Variants in NMD3 observed in about 807,000 individuals in gnomAD.
NMD3 encodes the protein 60S ribosomal export protein NMD3.
NMD3 carries 47 observed loss-of-function variants against 73.1 expected under a neutral mutation model. The ratio of observed to expected loss-of-function variants is 0.64; its 90% CI spans 0.51 to 0.82. The LOEUF (loss-of-function observed/expected upper bound fraction) is 0.82. NMD3 is among the 40% of genes least tolerant of loss of function. The pLI, the probability that NMD3 is intolerant of heterozygous loss-of-function variation, is 0.00. For synonymous variants in NMD3, 210 were observed against 194.5 expected, an observed-to-expected ratio of 1.08 and a Z score of -0.66; for missense variants, 554 against 612.5, an observed-to-expected ratio of 0.90 and a Z score of 1.01.
chr3:161,251,086 G>T lies in NMD3; in HGVS notation c.*176G>T. On this transcript the variant is annotated 3_prime_UTR_variant, in exon 16 of 16. Transcript: ENST00000351193. ...CACTAAAACAGATGGATAGCTTTGA[G>T]GTTTTAGATAAGGAAAGATTATGGA... is the stretch of plus-strand genomic sequence containing the variant. 6.2e-6 allele frequency: 3 copies of T among 480,450 alleles called. No individual in the cohort carries two copies. The highest frequency in any genetic ancestry group is 1.1e-5 in the Non-Finnish European group (3 of 269,174). 29.8% of individuals were successfully genotyped at this position (480,450 alleles called of 1,614,324 possible). A position where few individuals can be genotyped will look rare whatever the true frequency, so the allele number is the denominator to read the frequency against.
Position 161,251,474 on chromosome 3 carries a change from A to C in NMD3, c.*564A>C, listed in dbSNP as rs982800204. 6 of 152,162 alleles carry C rather than the reference A, an allele frequency of 3.9e-5. No individual in the cohort carries two copies. Among genetic ancestry groups the C allele is most frequent in the African/African-American group, 1.4e-4 (6 of 41,434 alleles). The allele number at this position is 152,162 out of a possible 1,614,324, so 9.4% of individuals were successfully genotyped here. On this transcript the variant is annotated 3_prime_UTR_variant, in exon 16 of 16. Transcript: ENST00000351193. ...TATTTCCTTATAAAATTAACTCTTC[A>C]AAAGCCGTTAAACAGAGAGTTATCT...
At chr3:161,232,298 A>C (rs1215431357) in intron 4 of NMD3, among the ~76,000 whole-genome samples, 1 of 152,044 alleles carries the variant, frequency 6.6e-6, no homozygotes, top group Admixed American at 6.6e-5. Context: ...GAATCTTTGC[A>C]TCTACACTAA....
At chr3:161,228,917 G>A (rs1333403901) in intron 4 of NMD3, among the ~76,000 whole-genome samples, 1 of 152,114 alleles carries the variant, frequency 6.6e-6, no homozygotes, top group Non-Finnish European at 1.5e-5. Context: ...GCATGGAAGA[G>A]TTGAAATTTA....
At chr3:161,235,377 A>G (rs1400470410) in intron 7 of NMD3, 165 bp downstream of exon 7, 1 of 380,940 alleles carries the variant, frequency 2.6e-6, no homozygotes, top group East Asian at 4.0e-5. Context: ...ACTGTCCAGT[A>G]TGGTATAGTC....
intron 11 of NMD3, among the ~76,000 whole-genome samples, chr3:161,243,888 A>G (rs1321127198): frequency 3.3e-5 from 5 of 152,158 alleles, no homozygotes; most frequent in Admixed American, 3.3e-4. Flanking sequence ...TCTGACCAGC[A>G]AGCAATCTGT....
chr3:161,238,639 G>A, intron 8 of NMD3, 91 bp from the exon 9 acceptor site: 2 of 705,522 alleles, frequency 2.8e-6, no homozygotes, highest in Non-Finnish European at 5.0e-6. Context: ...CTTGGACAAT[G>A]ATGGTTTGAT....
intron 11 of NMD3, among the ~76,000 whole-genome samples, chr3:161,245,025 G>C (rs1035124303): frequency 2.0e-5 from 3 of 151,952 alleles, no homozygotes; most frequent in African/African-American, 7.3e-5. Context: ...CAGCATTCAG[G>C]TGTTCCAGAA....
intron 7 of NMD3, among the ~76,000 whole-genome samples, chr3:161,237,603 G>C (rs1337028792): frequency 7.0e-6 from 1 of 143,400 alleles, no homozygotes; most frequent in African/African-American, 2.6e-5. Context: ...GCAGTGTTGC[G>C]ATCTGGGCTC....
At chr3:161,243,228 T>C (rs1179385434) in intron 11 of NMD3, among the ~76,000 whole-genome samples, 1 of 152,162 alleles carries the variant, frequency 6.6e-6, no homozygotes, top group African/African-American at 2.4e-5. Context: ...AATTTATAAA[T>C]TAGGCACAGT....
chr3:161,245,747 T>C (rs540541926), intron 11 of NMD3, among the ~76,000 whole-genome samples: 6 of 152,022 alleles, frequency 3.9e-5, no homozygotes, highest in Non-Finnish European at 8.8e-5. Flanking sequence ...ATGTTGTTTC[T>C]GCTATATATA....
intron 13 of NMD3, among the ~76,000 whole-genome samples, chr3:161,248,288 G>A (rs1219319358): frequency 6.6e-6 from 1 of 151,608 alleles, no homozygotes; most frequent in Non-Finnish European, 1.5e-5. Context: ...TTAGGAGTTC[G>A]AGACCAGCCT....
chr3:161,249,230 A>G (rs529851918), intron 13 of NMD3, among the ~76,000 whole-genome samples: 37 of 152,120 alleles, frequency 2.4e-4, no homozygotes, highest in South Asian at 4.1e-4. Flanking sequence ...AATTTTAGCA[A>G]ATTTTAACAA....
Position 161,233,449 on chromosome 3 carries a change from A to G in NMD3, c.327A>G (p.Arg109=), listed in dbSNP as rs1320416919. Residue 109 remains arginine, a synonymous_variant, in exon 5 of 16, where the codon AGA becomes AGG. Transcript: ENST00000351193. ...TTTGGACTGAGCCTCATTCTAAGAG[A>G]CTTAAAGTTAAACTGACTATTCAGA... The part of the protein sequence containing the change: ...GFVWTEPHSK[R]LKVKLTIQKE... The G allele has an allele frequency of 6.2e-7, 1 of 1,608,560 alleles. No individual in the cohort carries two copies. Among genetic ancestry groups the G allele is most frequent in the Non-Finnish European group, 8.5e-7 (1 of 1,176,778 alleles).
chr3:161,241,644 CT>C (rs2108093915), intron 10 of NMD3, among the ~76,000 whole-genome samples: 1 of 152,254 alleles, frequency 6.6e-6, no homozygotes, highest in Admixed American at 6.5e-5. Flanking sequence ...TGGTCTTGAA[CT>C]CCTGACCTCG....
Position 161,234,743 on chromosome 3 carries a change from T to C in NMD3, c.374T>C (p.Ile125Thr). The C allele has an allele frequency of 1.2e-6, 2 of 1,612,518 alleles. No individual in the cohort carries two copies. Among genetic ancestry groups the C allele is most frequent in the South Asian group, 2.2e-5 (2 of 90,998 alleles). The part of the protein sequence containing the change: ...TIQKEVMNGA[I>T]LQQVFVVDYV... Reference sequence around the variant, plus strand: ...TTTTATCAGGTGATGAATGGTGCTATCCTTCAACAAGTGTTTGTGGTGGAT... The same window carrying C: ...TTTTATCAGGTGATGAATGGTGCTACCCTTCAACAAGTGTTTGTGGTGGAT... Residue 125 changes from isoleucine (I) to threonine (T), a missense_variant, in exon 6 of 16, where the codon ATC becomes ACC. Transcript: ENST00000351193.
chr3:161,243,776 G>A (rs1480882164), intron 11 of NMD3, among the ~76,000 whole-genome samples: 1 of 152,180 alleles, frequency 6.6e-6, no homozygotes, highest in African/African-American at 2.4e-5. Flanking sequence ...ATGATGCCAT[G>A]TACTTTTTAT....
intron 11 of NMD3, among the ~76,000 whole-genome samples, chr3:161,242,858 T>G: frequency 6.6e-6 from 1 of 152,198 alleles, no homozygotes; most frequent in East Asian, 1.9e-4. Context: ...TAAGTTAATT[T>G]ATTCTCTTTT....
chr3:161,238,236 A>G (rs778964509), intron 8 of NMD3, 45 bp downstream of exon 8: 2 of 1,141,456 alleles, frequency 1.8e-6, no homozygotes, highest in South Asian at 1.3e-5. Flanking sequence ...GGACTTGGGA[A>G]TGGATGCGGA....
intron 10 of NMD3, among the ~76,000 whole-genome samples, chr3:161,241,842 A>G (rs571411429): frequency 6.6e-6 from 1 of 152,282 alleles, no homozygotes; most frequent in Admixed American, 6.5e-5. Flanking sequence ...CCATTGGAAC[A>G]TTTAGTTTGA....
Sources: allele counts gnomAD v4.1 joint callset (sites outside exome capture counted in the v4.1 genomes callset), GRCh38; gene constraint gnomAD v4.1.1; transcripts MANE v1.5; gene names NCBI Gene and HGNC (gene_info 2026-07-23, HGNC 2026-07-21).